The following AAK1 variants were observed in gnomAD, a reference collection of about 807,000 sequenced individuals.
AAK1 encodes the protein AP2 associated kinase 1.
A neutral mutation model predicts 116.0 loss-of-function variants in AAK1; 37 were observed. The ratio of observed to expected loss-of-function variants is 0.32; its 90% confidence interval spans 0.25 to 0.42. AAK1 has a LOEUF of 0.42. AAK1 is among the 10% of genes least tolerant of loss of function. The pLI, the probability that AAK1 is intolerant of heterozygous loss-of-function variation, is 1.00. For synonymous variants in AAK1, 458 were observed against 439.9 expected (o/e 1.04, Z -0.51); for missense variants, 919 against 1,170.6 (o/e 0.79, Z 3.14).
intron 2 of AAK1, among the ~76,000 whole-genome samples, chr2:69,624,922 AGT>A (rs1674827924): frequency 6.6e-6 from 1 of 152,226 alleles, no homozygotes; most frequent in Non-Finnish European, 1.5e-5. Context: ...GGGTTGGAAG[AGT>A]AAGGGAAGGG....
chr2:69,511,913 C>T (rs552436543), intron 13 of AAK1, among the ~76,000 whole-genome samples: 7 of 152,292 alleles, frequency 4.6e-5, no homozygotes, highest in Non-Finnish European at 7.4e-5. Flanking sequence ...TGTTCAGCTA[C>T]GCCTCCCAGC....
intron 18 of AAK1, chr2:69,481,653 A>C (rs1159079758): frequency 1.3e-5 from 2 of 152,098 alleles, no homozygotes; most frequent in East Asian, 3.9e-4. Flanking sequence ...GGGGCCTTGG[A>C]CATTTTGCAA....
chr2:69,578,337 T>C (rs1382750231), intron 2 of AAK1, among the ~76,000 whole-genome samples: 1 of 152,160 alleles, frequency 6.6e-6, no homozygotes, highest in Non-Finnish European at 1.5e-5. Flanking sequence ...CAATTAGTGA[T>C]TCAATCCTAA....
chr2:69,479,142 C>T, intron 19 of AAK1, 81 bp from the exon 20 acceptor site: 1 of 1,009,034 alleles, frequency 9.9e-7, no homozygotes, highest in Non-Finnish European at 1.5e-6. Context: ...TAGATCTTAG[C>T]TTTTAAGTTA....
At chr2:69,556,768 G>T in intron 3 of AAK1, 92 bp downstream of exon 3, 1 of 936,218 alleles carries the variant, frequency 1.1e-6, no homozygotes, top group East Asian at 2.6e-5. Flanking sequence ...TACCATCTCA[G>T]GGAAGGGAAC....
intron 2 of AAK1, among the ~76,000 whole-genome samples, chr2:69,610,045 T>A (rs6546536): frequency 7.4e-6 from 1 of 134,780 alleles, no homozygotes; most frequent in African/African-American, 2.9e-5. Flanking sequence ...AGTGAGACTC[T>A]GTCTCAAAAA....
At chr2:69,482,017 C>T (rs1351281481) in intron 18 of AAK1, 1 of 152,464 alleles carries the variant, frequency 6.6e-6, no homozygotes, top group Non-Finnish European at 1.5e-5. Flanking sequence ...CTATGCTTCC[C>T]AGGCTCGTCC....
At chr2:69,562,534 C>T (rs1671686676) in intron 2 of AAK1, among the ~76,000 whole-genome samples, 1 of 152,110 alleles carries the variant, frequency 6.6e-6, no homozygotes, top group South Asian at 2.1e-4. Flanking sequence ...GAGGGTATTA[C>T]ATAAATTCTA....
intron 2 of AAK1, among the ~76,000 whole-genome samples, chr2:69,583,075 T>G (rs747966991): frequency 4.6e-5 from 7 of 152,236 alleles, no homozygotes; most frequent in Non-Finnish European, 1.0e-4. Context: ...GGCCTAGTTG[T>G]GGTCCAAGTT....
At chr2:69,570,314 T>C (rs910374553) in intron 2 of AAK1, among the ~76,000 whole-genome samples, 2 of 151,688 alleles carry the variant, frequency 1.3e-5, no homozygotes, top group African/African-American at 4.8e-5. Flanking sequence ...AAAATGAGTT[T>C]ACAATTGTTA....
At chr2:69,513,845 C>T (rs576385854) in intron 13 of AAK1, among the ~76,000 whole-genome samples, 102 of 152,286 alleles carry the variant, frequency 6.7e-4, no homozygotes, top group African/African-American at 2.4e-3. Flanking sequence ...CTGTAGAGGA[C>T]AATCAGACGA....
intron 2 of AAK1, among the ~76,000 whole-genome samples, chr2:69,590,223 C>T (rs1339209542): frequency 6.6e-6 from 1 of 152,194 alleles, no homozygotes; most frequent in East Asian, 1.9e-4. Context: ...CTAGTCACTT[C>T]AGTACATATC....
intron 5 of AAK1, among the ~76,000 whole-genome samples, chr2:69,542,045 G>A (rs940957947): frequency 6.6e-6 from 1 of 152,180 alleles, no homozygotes; most frequent in African/African-American, 2.4e-5. Context: ...TACATGCTAA[G>A]TTGAACCCTA....
intron 2 of AAK1, among the ~76,000 whole-genome samples, chr2:69,603,059 G>C (rs926037150): frequency 6.6e-6 from 1 of 152,110 alleles, no homozygotes; most frequent in African/African-American, 2.4e-5. Context: ...TGGAGGGATG[G>C]ACAAATATCA....
At chr2:69,642,319 G>A (rs138545857) in intron 2 of AAK1, among the ~76,000 whole-genome samples, 49 of 152,242 alleles carry the variant, frequency 3.2e-4, no homozygotes, top group African/African-American at 1.2e-3. Context: ...GCTATAACCT[G>A]GGGACCTGAT....
chr2:69,587,764 T>C (rs766607572), intron 2 of AAK1, among the ~76,000 whole-genome samples: 16 of 151,850 alleles, frequency 1.1e-4, no homozygotes, highest in Non-Finnish European at 2.1e-4. Context: ...CTGCACCCAG[T>C]TGCCCAGCTA....
At chr2:69,574,230 G>T (rs1429325944) in intron 2 of AAK1, among the ~76,000 whole-genome samples, 1 of 151,714 alleles carries the variant, frequency 6.6e-6, no homozygotes, top group African/African-American at 2.4e-5. Context: ...AATTAGCTGG[G>T]TATAGTGGTG....
chr2:69,536,467 ATG>A (rs1451133755), intron 5 of AAK1, among the ~76,000 whole-genome samples: 1 of 152,176 alleles, frequency 6.6e-6, no homozygotes, highest in Non-Finnish European at 1.5e-5. Context: ...TGAATAGATT[ATG>A]TGAGATTAAG....
intron 2 of AAK1, among the ~76,000 whole-genome samples, chr2:69,597,043 T>TAGTGTTCAC (rs1673330222): frequency 6.6e-6 from 1 of 151,954 alleles, no homozygotes; most frequent in South Asian, 2.1e-4. Flanking sequence ...TCTGTGTTCA[T>TAGTGTTCAC]AGTGTTCACA....
Sources: gnomAD v4.1 joint callset for allele counts (sites outside exome capture counted in the v4.1 genomes callset) on GRCh38, gnomAD v4.1.1 for gene constraint, MANE v1.5 for transcripts, NCBI Gene and HGNC (gene_info 2026-07-23, HGNC 2026-07-21) for gene names.